Variants in MAML3 observed in about 807,000 individuals in gnomAD.
MAML3 encodes mastermind-like protein 3.
Under a neutral mutation model 101.9 loss-of-function variants are expected in MAML3, and 27 were observed. The ratio of observed to expected loss-of-function variants is 0.27; its 90% CI spans 0.20 to 0.37. MAML3 has a LOEUF of 0.37. Among genes scored for constraint, MAML3 ranks in the 10% least tolerant of loss-of-function variants. The probability of loss-of-function intolerance (pLI) is 1.00; values close to 1 mark genes in which losing one functional copy is unlikely to be tolerated. For synonymous variants in MAML3, 501 were observed against 555.9 expected (o/e 0.90, Z 1.39); for missense variants, 1,316 against 1,444.9 (o/e 0.91, Z 1.45).
At chr4:139,753,380 CT>C (rs964374693) in intron 2 of MAML3, among the ~76,000 whole-genome samples, 5 of 151,264 alleles carry the variant, frequency 3.3e-5, no homozygotes, top group African/African-American at 1.2e-4. Flanking sequence ...ATCTATCTAT[CT>C]ATCTATTTTT....
chr4:139,752,084 T>C (rs1040629243), intron 2 of MAML3, among the ~76,000 whole-genome samples: 1 of 152,200 alleles, frequency 6.6e-6, no homozygotes, highest in Non-Finnish European at 1.5e-5. Context: ...GAATTCTAAC[T>C]TTCCTTGCAG....
intron 1 of MAML3, among the ~76,000 whole-genome samples, chr4:140,089,508 GT>G (rs1340440316): frequency 1.3e-5 from 2 of 152,306 alleles, no homozygotes; most frequent in South Asian, 4.1e-4. Context: ...AAATGAGAAT[GT>G]TTGGCTCTGA....
chr4:140,140,758 G>A (rs890969890), intron 1 of MAML3, among the ~76,000 whole-genome samples: 1 of 152,152 alleles, frequency 6.6e-6, no homozygotes, highest in East Asian at 1.9e-4. Context: ...ATTGCCACAT[G>A]TACCTTGTAC....
chr4:139,804,388 T>C (rs1490657247), intron 2 of MAML3, among the ~76,000 whole-genome samples: 1 of 151,954 alleles, frequency 6.6e-6, no homozygotes, highest in Non-Finnish European at 1.5e-5. Context: ...TGCCTCAGCC[T>C]CCAGAGTAGC....
intron 1 of MAML3, among the ~76,000 whole-genome samples, chr4:140,055,694 G>T (rs1055509484): frequency 6.6e-6 from 1 of 152,048 alleles, no homozygotes. Context: ...AAAGCCAAAG[G>T]TACAAAATTA....
At chr4:139,949,453 T>C (rs1482873324) in intron 1 of MAML3, among the ~76,000 whole-genome samples, 1 of 152,188 alleles carries the variant, frequency 6.6e-6, no homozygotes, top group Non-Finnish European at 1.5e-5. Context: ...CTATTTCCAA[T>C]GAATGCCCAT....
intron 1 of MAML3, among the ~76,000 whole-genome samples, chr4:139,950,652 G>C (rs1358399808): frequency 1.3e-5 from 2 of 152,220 alleles, no homozygotes; most frequent in East Asian, 3.9e-4. Flanking sequence ...TCTGGAACTG[G>C]GTAACACATT....
Position 140,092,219 on chromosome 4 carries a change from G to T in MAML3, c.468+60641C>A, listed in dbSNP as rs572531351. On this transcript the variant is annotated intron_variant, in intron 1 of 4. Transcript: ENST00000509479. Reference sequence around the variant, plus strand: ...CTTGCTTTTCCCCGATGCAGACACCGAAACCTTGCGACTGAGCATCAACAG... The same window carrying T: ...CTTGCTTTTCCCCGATGCAGACACCTAAACCTTGCGACTGAGCATCAACAG... 1.7e-3 allele frequency among the ~76,000 whole-genome samples: 252 copies of T among 151,742 alleles called. 1 individual carries two copies. The highest frequency in any genetic ancestry group is 3.0e-3 in the Admixed American group (45 of 15,232).
At chr4:140,055,894 T>C (rs920122986) in intron 1 of MAML3, among the ~76,000 whole-genome samples, 1 of 150,708 alleles carries the variant, frequency 6.6e-6, no homozygotes, top group African/African-American at 2.4e-5. Flanking sequence ...ATTGACTGGC[T>C]TGCAGTACCT....
intron 2 of MAML3, among the ~76,000 whole-genome samples, chr4:139,797,359 G>T (rs957498785): frequency 5.9e-5 from 9 of 152,152 alleles, no homozygotes; most frequent in African/African-American, 1.9e-4. Context: ...CCACAGTTAG[G>T]ATCATGTACA....
intron 2 of MAML3, among the ~76,000 whole-genome samples, chr4:139,806,255 T>C (rs939668045): frequency 1.3e-5 from 2 of 152,118 alleles, no homozygotes; most frequent in African/African-American, 4.8e-5. Context: ...AAATTTATAA[T>C]ATGTAAGTTT....
intron 1 of MAML3, among the ~76,000 whole-genome samples, chr4:140,037,636 G>C (rs1176658393): frequency 6.6e-6 from 1 of 152,190 alleles, no homozygotes; most frequent in Non-Finnish European, 1.5e-5. Context: ...TCAGCACAAA[G>C]CTAACTAGTG....
At chr4:140,077,054 C>T (rs997210672) in intron 1 of MAML3, among the ~76,000 whole-genome samples, 3 of 151,986 alleles carry the variant, frequency 2.0e-5, no homozygotes, top group South Asian at 2.1e-4. Context: ...CCACACCTGG[C>T]TAATTTTTGT....
chr4:139,783,932 C>T (rs925188302), intron 2 of MAML3, among the ~76,000 whole-genome samples: 1 of 152,186 alleles, frequency 6.6e-6, no homozygotes, highest in East Asian at 1.9e-4. Context: ...ACGCATTTAG[C>T]GGTCTGTTTT....
intron 1 of MAML3, among the ~76,000 whole-genome samples, chr4:139,991,646 T>C (rs555935096): frequency 6.6e-6 from 1 of 152,302 alleles, no homozygotes; most frequent in Non-Finnish European, 1.5e-5. Context: ...CCAATAGATT[T>C]TCTTTTGAAA....
chr4:140,093,932 A>G (rs1728106384), intron 1 of MAML3, among the ~76,000 whole-genome samples: 1 of 152,166 alleles, frequency 6.6e-6, no homozygotes, highest in Non-Finnish European at 1.5e-5. Context: ...ACTGTGCAGC[A>G]TGATCCCCCT....
chr4:139,892,739 C>T (rs13138190), intron 1 of MAML3, among the ~76,000 whole-genome samples: 90,318 of 151,576 alleles, frequency 0.6, 32,580 homozygotes, highest in Non-Finnish European at 0.81. Flanking sequence ...CCCTGGCAAA[C>T]ACGGTGAAAC....
chr4:139,912,552 T>C (rs535157429), intron 1 of MAML3, among the ~76,000 whole-genome samples: 10 of 152,332 alleles, frequency 6.6e-5, no homozygotes, highest in South Asian at 6.2e-4. Context: ...TGTGACTTCA[T>C]TTGGAAATAG....
intron 2 of MAML3, among the ~76,000 whole-genome samples, chr4:139,737,809 T>G (rs1331932862): frequency 2.0e-5 from 3 of 152,258 alleles, no homozygotes; most frequent in Non-Finnish European, 2.9e-5. Context: ...AATAAATTCA[T>G]AGCAGAGCTC....
Sources: allele counts gnomAD v4.1 joint callset (sites outside exome capture counted in the v4.1 genomes callset), GRCh38; gene constraint gnomAD v4.1.1; transcripts MANE v1.5; gene names NCBI Gene and HGNC (gene_info 2026-07-23, HGNC 2026-07-21).